NOS1: variants seen among roughly 807,000 people sequenced by gnomAD.
NOS1 encodes the protein nitric oxide synthase 1.
In NOS1, 51 loss-of-function variants were observed where a neutral mutation model predicts 164.5. The ratio of observed to expected loss-of-function variants is 0.31; its 90% CI spans 0.25 to 0.39. The LOEUF is 0.39. Ranked by LOEUF, NOS1 falls within the 10% of genes least tolerant of loss-of-function variation. NOS1 has a pLI of 1.00. For missense variants in NOS1, 1,362 were observed against 1,885.6 expected (o/e 0.72, Z 5.14); for synonymous variants, 719 against 745.8 (o/e 0.96, Z 0.59).
intron 7 of NOS1, among the ~76,000 whole-genome samples, chr12:117,281,894 A>G (rs1873703920): frequency 6.6e-6 from 1 of 151,506 alleles, no homozygotes; most frequent in African/African-American, 2.4e-5. Flanking sequence ...TCTTCCAGCC[A>G]TCATTAATTT....
rs1442379987 is a variant in NOS1 at position 117,330,173 on chromosome 12, T to C, written c.725+172A>G. ...TATGCCCTGTGGCCTCTTGTGAATG[T>C]AATTTTAAGTGAAGATCAAGGGGGC... is the stretch of plus-strand genomic sequence containing the variant. On this transcript the variant is annotated intron_variant, in intron 2 of 28. Coordinates refer to ENST00000317775, the MANE Select transcript of NOS1 (RefSeq NM_000620.5). This position sits in a 1 kb window ranked among gnomAD's most constrained non-coding sequence, Gnocchi z 4.6. Among the ~76,000 whole-genome samples the C allele has an allele frequency of 6.6e-6, 1 of 152,202 alleles. No individual in the cohort carries two copies. The highest frequency in any genetic ancestry group is 2.4e-5 in the African/African-American group (1 of 41,452).
At chr12:117,264,752 T>C (rs1872245352) in intron 12 of NOS1, among the ~76,000 whole-genome samples, 1 of 149,600 alleles carries the variant, frequency 6.7e-6, no homozygotes, top group Admixed American at 6.7e-5. Flanking sequence ...TTTGTCCCAC[T>C]CTTGTTGCCC....
intron 13 of NOS1, among the ~76,000 whole-genome samples, chr12:117,262,984 C>T (rs1872064335): frequency 1.3e-5 from 2 of 152,158 alleles, no homozygotes; most frequent in Admixed American, 1.3e-4. Context: ...TCCCTGACCT[C>T]CCAAACTCCG....
In NOS1 at chr12:117,243,917, C is replaced by T. The variant is rs1434395071; in HGVS notation, c.2824-482G>A. 6.6e-6 allele frequency among the ~76,000 whole-genome samples: 1 copy of T among 152,164 alleles called. No homozygotes were observed. The highest frequency in any genetic ancestry group is 1.5e-5 in the Non-Finnish European group (1 of 68,040). ...CCATGCAGGCATGCATCCATCCATT[C>T]ATCTATCCATCCATCCATCCTATAT... On this transcript the variant is annotated intron_variant, in intron 18 of 28. Transcript: ENST00000317775. This position sits in a 1 kb window ranked among gnomAD's most constrained non-coding sequence, Gnocchi z 4.3.
At chr12:117,335,119 T>C (rs1875742990) in intron 1 of NOS1, among the ~76,000 whole-genome samples, 2 of 152,308 alleles carry the variant, frequency 1.3e-5, no homozygotes, top group South Asian at 2.1e-4. Flanking sequence ...CTCAGAAAAG[T>C]GGCTTCCTAT....
At chr12:117,355,122 T>G (rs1011731676) in intron 1 of NOS1, among the ~76,000 whole-genome samples, 4 of 152,198 alleles carry the variant, frequency 2.6e-5, no homozygotes, top group African/African-American at 9.6e-5. Flanking sequence ...TGAAATGCTT[T>G]TCAGGGCACC....
Position 117,304,277 on chromosome 12 carries a change from A to G in NOS1, c.852+7189T>C, listed in dbSNP as rs549992827. 6.1e-4 allele frequency among the ~76,000 whole-genome samples: 93 copies of G among 152,282 alleles called. 1 individual carries two copies. Among genetic ancestry groups the G allele is most frequent in the Non-Finnish European group, 1.6e-4 (11 of 68,018 alleles). On this transcript the variant is annotated intron_variant, in intron 3 of 28. Transcript: ENST00000317775. ...CTTAGCGAAAAAAATAAAAAGCAAC[A>G]TATCAGCCACAACCATTCCCTTGCC...
chr12:117,269,821 A>T (rs948189250), intron 10 of NOS1, among the ~76,000 whole-genome samples: 1 of 152,164 alleles, frequency 6.6e-6, no homozygotes, highest in Non-Finnish European at 1.5e-5. Flanking sequence ...GCTTTCTAGC[A>T]GGAAAAGCTC....
chr12:117,352,737 T>C (rs1876680989), intron 1 of NOS1, among the ~76,000 whole-genome samples: 1 of 152,148 alleles, frequency 6.6e-6, no homozygotes, highest in African/African-American at 2.4e-5. Flanking sequence ...GATGTGTGTG[T>C]TCATGAGTGT....
chr12:117,339,088 A>G (rs1297996695), intron 1 of NOS1, among the ~76,000 whole-genome samples: 1 of 152,182 alleles, frequency 6.6e-6, no homozygotes. Context: ...GTCTTTCCCC[A>G]GAGAGATCAC....
intron 1 of NOS1, among the ~76,000 whole-genome samples, chr12:117,353,428 A>G (rs983642410): frequency 6.6e-6 from 1 of 152,200 alleles, no homozygotes; most frequent in Non-Finnish European, 1.5e-5. Flanking sequence ...TCTTAAGCAC[A>G]CTTATCTTCA....
rs1358302465 is a variant in NOS1, at chr12:117,247,516, T to C, written c.2655A>G (p.Ser885=). 1.2e-6 allele frequency: 2 copies of C among 1,608,642 alleles called. No homozygotes were observed. Among genetic ancestry groups the C allele is most frequent in the African/African-American group, 1.3e-5 (1 of 74,598 alleles). The change falls in exon 18 of 29, where the codon TCA becomes TCG. Residue 885 remains serine (S), a synonymous_variant. Coordinates refer to ENST00000317775, the MANE Select transcript of NOS1 (RefSeq NM_000620.5). The part of the protein sequence containing the change: ...SAGPLANVRF[S]VFGLGSRAYP... ...ATGCTCGTGAGCCGAGGCCAAAAAC[T>C]GAGAACCTGTCAAGGAGATGACAGA...
At chr12:117,216,985 G>A (rs1015180262) in intron 28 of NOS1, among the ~76,000 whole-genome samples, 14 of 152,080 alleles carry the variant, frequency 9.2e-5, no homozygotes, top group African/African-American at 3.4e-4. Flanking sequence ...GGGCGTCCAG[G>A]GGTGCTTTCC....
At position 117,215,266 on chromosome 12, in the gene NOS1, C is replaced by T. The variant is rs1230660359; in HGVS notation, c.*43G>A. 2.6e-6 allele frequency: 4 copies of T among 1,526,918 alleles called. No individual in the cohort carries two copies. The East Asian group carries it at 9.5e-5, about 36-fold the overall frequency. 94.6% of individuals were successfully genotyped at this position (1,526,918 alleles called of 1,614,324 possible). ...AGAGGAAAGGTTCAGCAGTGTCTGT[C>T]CGCGCTTACAAAACTTGCAGCCGGC... is the stretch of plus-strand genomic sequence containing the variant. On this transcript the variant is annotated 3_prime_UTR_variant, in exon 29 of 29. Coordinates refer to ENST00000317775, the MANE Select transcript of NOS1 (RefSeq NM_000620.5).
intron 3 of NOS1, among the ~76,000 whole-genome samples, chr12:117,295,694 T>G (rs1873367788): frequency 6.8e-6 from 1 of 147,824 alleles, no homozygotes; most frequent in Admixed American, 7.0e-5. Flanking sequence ...CTTGGCTCAC[T>G]GCAACCTCCA....
In NOS1 at chr12:117,326,389, AAAAAAAAAAAAAC is replaced by A. The variant is rs1188637471; in HGVS notation, c.725+3943_725+3955del. On this transcript the variant is annotated intron_variant, in intron 2 of 28. Transcript: ENST00000317775. ...TGACAAAGCGAGACTCTGTCTCAAA[AAAAAAAAAAAAAC>A]AAAAAAACAAAAACAAAAACAAAAA... 1.0e-3 allele frequency among the ~76,000 whole-genome samples: 38 copies of A among 37,506 alleles called. 1 individual carries two copies. Among genetic ancestry groups the A allele is most frequent in the South Asian group, 3.6e-3 (4 of 1,112 alleles). 24.6% of individuals were successfully genotyped at this position (37,506 alleles called of 152,430 possible).
chr12:117,318,042 C>G (rs1358335038), intron 2 of NOS1, among the ~76,000 whole-genome samples: 1 of 152,134 alleles, frequency 6.6e-6, no homozygotes, highest in Non-Finnish European at 1.5e-5. Context: ...CGTGGTGGCA[C>G]CTGCCTATAG....
chr12:117,280,340 G>A (rs1873531566), intron 8 of NOS1, among the ~76,000 whole-genome samples: 1 of 152,224 alleles, frequency 6.6e-6, no homozygotes, highest in Admixed American at 6.5e-5. Context: ...AAAGGTGGAT[G>A]CCAGATATGG....
chr12:117,236,345 C>G (rs141572913), intron 20 of NOS1, among the ~76,000 whole-genome samples: 1 of 152,164 alleles, frequency 6.6e-6, no homozygotes, highest in African/African-American at 2.4e-5. Flanking sequence ...AACCGAGAAC[C>G]TTTTGTGCTA....
Sources: gnomAD v4.1 joint callset for allele counts (sites outside exome capture counted in the v4.1 genomes callset) on GRCh38, gnomAD v4.1.1 for gene constraint, Gnocchi (gnomAD v3.1) non-coding constraint, MANE v1.5 for transcripts, NCBI Gene and HGNC (gene_info 2026-07-23, HGNC 2026-07-21) for gene names.